Variants in ZNRF3 observed in about 807,000 individuals in gnomAD.
ZNRF3 encodes the protein zinc and ring finger 3.
In ZNRF3, 23 loss-of-function variants were observed where a neutral mutation model predicts 72.5. The ratio of observed to expected loss-of-function variants is 0.32; its 90% confidence interval spans 0.23 to 0.45. The LOEUF (loss-of-function observed/expected upper bound fraction) is 0.45, where lower values mean the gene tolerates loss of function less well. ZNRF3 is among the 20% of genes least tolerant of loss of function. The pLI, the probability that ZNRF3 is intolerant of heterozygous loss-of-function variation, is 1.00. For missense variants in ZNRF3, 1,169 were observed against 1,272.1 expected, an observed-to-expected ratio of 0.92 and a Z score of 1.23; for synonymous variants, 610 against 545.3, an observed-to-expected ratio of 1.12 and a Z score of -1.65.
chr22:28,972,962 T>A (rs2035604524), intron 1 of ZNRF3, among the ~76,000 whole-genome samples: 1 of 152,216 alleles, frequency 6.6e-6, no homozygotes, highest in Admixed American at 6.5e-5. Flanking sequence ...CATTTTCTTC[T>A]GTGGGTTTTA....
chr22:29,019,173 A>G (rs1346917006), intron 2 of ZNRF3, among the ~76,000 whole-genome samples: 1 of 151,920 alleles, frequency 6.6e-6, no homozygotes, highest in Non-Finnish European at 1.5e-5. Flanking sequence ...GCATTTTCCA[A>G]GCTTCTGCTG....
Position 29,050,898 on chromosome 22 carries a change from GTGCCCTCCA to G in ZNRF3, c.2718_2726del (p.Ser906_Gln909delinsArg), listed in dbSNP as rs2037193312. 1 of 1,573,268 alleles carries G rather than the reference GTGCCCTCCA, an allele frequency of 6.4e-7. No individual in the cohort carries two copies. ...GGTGCTGTCAGGGCCAACTTCCCTA[GTGCCCTCCA>G]GGACACTCAGGAGTCCAGCACCACT... On this transcript the variant is annotated inframe_deletion, in exon 8 of 9. Transcript: ENST00000544604.
chr22:28,966,117 C>T (rs980280090), intron 1 of ZNRF3, among the ~76,000 whole-genome samples: 4 of 152,200 alleles, frequency 2.6e-5, no homozygotes, highest in Admixed American at 2.6e-4. Context: ...TGTCTACTTT[C>T]AGATAGTTTT....
intron 1 of ZNRF3, among the ~76,000 whole-genome samples, 197 bp from the exon 2 acceptor site, chr22:28,986,879 A>G (rs1435360319): frequency 6.6e-6 from 1 of 152,198 alleles, no homozygotes; most frequent in African/African-American, 2.4e-5. Context: ...TACATTTATA[A>G]TGGCTCTATA....
chr22:28,995,087 T>C (rs1177152184), intron 2 of ZNRF3, among the ~76,000 whole-genome samples: 2 of 152,228 alleles, frequency 1.3e-5, no homozygotes, highest in African/African-American at 4.8e-5. Context: ...GACAGACTTA[T>C]TTGTTATCCT....
rs2035370851 is a variant in ZNRF3 at position 28,962,045 on chromosome 22, A to G, written c.301-25031A>G. 3.3e-5 allele frequency among the ~76,000 whole-genome samples: 5 copies of G among 152,200 alleles called. No individual in the cohort carries two copies. In the South Asian group the frequency reaches 1.0e-3, roughly 32 times the overall value. On this transcript the variant is annotated intron_variant, in intron 1 of 8. Transcript: ENST00000544604. ...TGTGGACTTTCTTCCTTGAGAATATAGGGAAGTATTAGATTTCAGAGTCTG... is the reference window on the plus strand; with the variant it reads ...TGTGGACTTTCTTCCTTGAGAATATGGGGAAGTATTAGATTTCAGAGTCTG...
chr22:28,890,752 TTCTCTC>T (rs200742029), intron 1 of ZNRF3, among the ~76,000 whole-genome samples: 5 of 149,792 alleles, frequency 3.3e-5, no homozygotes, highest in African/African-American at 1.2e-4. Flanking sequence ...CTTGCTTGCT[TTCTCTC>T]TCTCTCTCTT....
chr22:28,947,110 CTT>C (rs2035066524), intron 1 of ZNRF3, among the ~76,000 whole-genome samples: 2 of 152,154 alleles, frequency 1.3e-5, no homozygotes, highest in Admixed American at 6.5e-5. Flanking sequence ...TTGGTTTAGT[CTT>C]TTAACACTTT....
In ZNRF3 at chr22:29,050,576, A is replaced by G. The variant is rs2037183650; in HGVS notation, c.2395A>G (p.Thr799Ala). 1 of 1,608,422 alleles carries G rather than the reference A, an allele frequency of 6.2e-7. No individual in the cohort carries two copies. Among genetic ancestry groups the G allele is most frequent in the Non-Finnish European group, 8.5e-7 (1 of 1,177,848 alleles). ...RGGGGGSGCY[T>A]EDYSVSVQYT... ...GGGCGGAGGGGGCAGCGGCTGCTAC[A>G]CTGAGGACTACTCGGTGAGTGTGCA... Residue 799 changes from threonine to alanine, a missense_variant, in exon 8 of 9, where the codon ACT becomes GCT. Physicochemically the swap from Thr to Ala is moderately conservative, Grantham distance 58. Transcript: ENST00000544604.
intron 1 of ZNRF3, among the ~76,000 whole-genome samples, chr22:28,927,813 T>C (rs1330301551): frequency 6.6e-6 from 1 of 152,208 alleles, no homozygotes; most frequent in African/African-American, 2.4e-5. Flanking sequence ...ACTGTGTGTG[T>C]ATGTGTGTCT....
At chr22:28,891,611 G>A (rs1220086886) in intron 1 of ZNRF3, among the ~76,000 whole-genome samples, 1 of 152,258 alleles carries the variant, frequency 6.6e-6, no homozygotes, top group Non-Finnish European at 1.5e-5. Flanking sequence ...CATTAGTGCA[G>A]CTGAGGTTCA....
chr22:29,042,430 C>A, intron 2 of ZNRF3, 65 bp from the exon 3 acceptor site: 1 of 1,474,484 alleles, frequency 6.8e-7, no homozygotes, highest in Non-Finnish European at 9.4e-7. Flanking sequence ...GCCTGATTGC[C>A]AAGGCCAACT....
At chr22:28,990,076 G>A (rs1375213103) in intron 2 of ZNRF3, among the ~76,000 whole-genome samples, 3 of 152,186 alleles carry the variant, frequency 2.0e-5, no homozygotes, top group Admixed American at 6.5e-5. Context: ...GGGAGGCAGC[G>A]TTGGGATGAG....
At chr22:29,020,417 T>C (rs1236562213) in intron 2 of ZNRF3, among the ~76,000 whole-genome samples, 1 of 151,576 alleles carries the variant, frequency 6.6e-6, no homozygotes, top group African/African-American at 2.4e-5. Context: ...CATGCCACCA[T>C]GCCCAGCTGA....
rs148954477 is a variant in ZNRF3, at chr22:28,973,346, T to G, written c.301-13730T>G. ...TTTTTAATTTTGATGAAGTTCATTTTGTCTATTTTTTCCTTGGTTGCCTAT... is the reference window on the plus strand; with the variant it reads ...TTTTTAATTTTGATGAAGTTCATTTGGTCTATTTTTTCCTTGGTTGCCTAT... On this transcript the variant is annotated intron_variant, in intron 1 of 8. Transcript: ENST00000544604. 3.2e-3 allele frequency among the ~76,000 whole-genome samples: 495 copies of G among 152,334 alleles called. 31 individuals are homozygous for G. The East Asian group carries it at 0.081, about 25-fold the overall frequency.
intron 2 of ZNRF3, among the ~76,000 whole-genome samples, chr22:29,040,927 C>G (rs1393300229): frequency 1.3e-5 from 2 of 152,180 alleles, no homozygotes; most frequent in African/African-American, 4.8e-5. Flanking sequence ...CTTTCTCACG[C>G]CACATCAATG....
chr22:29,019,435 T>C (rs2036490767), intron 2 of ZNRF3, among the ~76,000 whole-genome samples: 1 of 152,226 alleles, frequency 6.6e-6, no homozygotes, highest in South Asian at 2.1e-4. Flanking sequence ...ACTTAAATTC[T>C]GAAGACCCAT....
At chr22:28,927,379 C>T (rs946152868) in intron 1 of ZNRF3, among the ~76,000 whole-genome samples, 1 of 152,126 alleles carries the variant, frequency 6.6e-6, no homozygotes, top group African/African-American at 2.4e-5. Context: ...CACAGTGAAA[C>T]CCTGTCTCTA....
At chr22:29,034,793 G>C (rs943199843) in intron 2 of ZNRF3, among the ~76,000 whole-genome samples, 5 of 152,160 alleles carry the variant, frequency 3.3e-5, no homozygotes, top group African/African-American at 7.2e-5. Flanking sequence ...TTCAGAGAGG[G>C]ATCTGCCAGC....
Sources: gnomAD v4.1 joint callset for allele counts (sites outside exome capture counted in the v4.1 genomes callset) on GRCh38, gnomAD v4.1.1 for gene constraint, MANE v1.5 for transcripts, NCBI Gene and HGNC (gene_info 2026-07-23, HGNC 2026-07-21) for gene names.